Variants in STRADA observed in about 807,000 individuals in gnomAD.
The protein encoded by STRADA is STE20-related kinase adapter protein alpha.
Under a neutral mutation model 55.0 loss-of-function variants are expected in STRADA, and 26 were observed. The ratio of observed to expected loss-of-function variants is 0.47; its 90% confidence interval spans 0.35 to 0.66. The LOEUF is 0.66. Among genes scored for constraint, STRADA ranks in the 30% least tolerant of loss-of-function variants. The pLI is 0.01. For synonymous variants in STRADA, 197 were observed against 210.9 expected (o/e 0.93, Z 0.57); for missense variants, 443 against 549.7 (o/e 0.81, Z 1.94).
intron 6 of STRADA, among the ~76,000 whole-genome samples, chr17:63,712,973 C>T (rs901426672): frequency 6.7e-6 from 1 of 149,666 alleles, no homozygotes; most frequent in Admixed American, 6.7e-5. Flanking sequence ...TGCACTCCAG[C>T]CTGGGTGACA....
chr17:63,704,484 G>A lies in STRADA; in HGVS notation c.957C>T (p.Ala319=). The change falls in exon 11 of 13, where the codon GCC becomes GCT. Residue 319 remains alanine (A), a synonymous_variant. Transcript: ENST00000336174. The stretch of plus-strand genomic sequence containing the variant: ...TCAGGCTGTCACTCAGGCCAGAGTT[G>A]GCCACTGAGCGCGAAGGGCTCATGG... ...ELTMSPSRSV[A]NSGLSDSLTT... 9 of 1,613,212 alleles carry A rather than the reference G, an allele frequency of 5.6e-6. No individual in the cohort carries two copies. The highest frequency in any genetic ancestry group is 7.6e-6 in the Non-Finnish European group (9 of 1,179,822).
chr17:63,732,066 C>T (rs1317969577), intron 1 of STRADA, among the ~76,000 whole-genome samples: 1 of 152,034 alleles, frequency 6.6e-6, no homozygotes, highest in Non-Finnish European at 1.5e-5. Context: ...GACAGGGTTT[C>T]ACCATGTTAG....
At chr17:63,732,432 A>G (rs1255886792) in intron 1 of STRADA, among the ~76,000 whole-genome samples, 1 of 150,042 alleles carries the variant, frequency 6.7e-6, no homozygotes, top group African/African-American at 2.5e-5. Context: ...CAATCCTCCT[A>G]CCTCAGCCTT....
intron 3 of STRADA, chr17:63,723,932 T>C (rs2037476470): frequency 6.6e-6 from 1 of 152,282 alleles, no homozygotes; most frequent in Non-Finnish European, 1.5e-5. Flanking sequence ...AATAACTTTC[T>C]GTTCTTAAGC....
intron 6 of STRADA, 104 bp downstream of exon 6, chr17:63,713,302 C>G (rs1039376151): frequency 7.4e-6 from 11 of 1,491,190 alleles, no homozygotes; most frequent in Non-Finnish European, 9.9e-6. Flanking sequence ...GCTTCCATAA[C>G]TTCCGAACGT....
chr17:63,706,431 G>A (rs2036094984), intron 10 of STRADA: 3 of 532,316 alleles, frequency 5.6e-6, no homozygotes, highest in South Asian at 6.2e-5. Context: ...CCCTCCCCAA[G>A]CTGGCCTCCC....
chr17:63,721,383 A>T (rs1407126676), intron 4 of STRADA, among the ~76,000 whole-genome samples: 3 of 143,218 alleles, frequency 2.1e-5, no homozygotes, highest in East Asian at 4.0e-4. Context: ...AGAAAAAATA[A>T]AATAAAAAAA....
intron 1 of STRADA, among the ~76,000 whole-genome samples, chr17:63,737,191 G>GT (rs2038498684): frequency 7.3e-6 from 1 of 137,356 alleles, no homozygotes; most frequent in Non-Finnish European, 1.5e-5. Flanking sequence ...GGAGGTTGCA[G>GT]TGAGTCAAGA....
chr17:63,718,600 T>C (rs564319497), intron 4 of STRADA, among the ~76,000 whole-genome samples: 2 of 152,324 alleles, frequency 1.3e-5, no homozygotes, highest in African/African-American at 2.4e-5. Flanking sequence ...CCCCAGCCTA[T>C]GAGTATACAA....
At chr17:63,705,471 TCTC>T (rs1568173378) in intron 10 of STRADA, 1 of 161,170 alleles carries the variant, frequency 6.2e-6, no homozygotes, top group African/African-American at 2.4e-5. Context: ...TTTACTGAGA[TCTC>T]CTAGATTCCT....
At chr17:63,738,566 A>C (rs1054140414) in intron 1 of STRADA, among the ~76,000 whole-genome samples, 1 of 152,072 alleles carries the variant, frequency 6.6e-6, no homozygotes, top group African/African-American at 2.4e-5. Context: ...AAAAATGATT[A>C]AATTAATTGA....
intron 10 of STRADA, chr17:63,704,950 A>G: frequency 6.6e-7 from 1 of 1,520,494 alleles, no homozygotes; most frequent in Non-Finnish European, 8.8e-7. Flanking sequence ...TTTGAAGCCC[A>G]GCCGTCTGCC....
At chr17:63,715,023 T>C (rs1318086099) in intron 4 of STRADA, among the ~76,000 whole-genome samples, 1 of 152,356 alleles carries the variant, frequency 6.6e-6, no homozygotes, top group South Asian at 2.1e-4. Context: ...TCATGTTTCA[T>C]GTGCTGCACT....
chr17:63,705,210 G>A (rs1008411881), intron 10 of STRADA: 21 of 496,678 alleles, frequency 4.2e-5, no homozygotes, highest in African/African-American at 1.3e-4. Context: ...CTGCACTAAC[G>A]TGATAGCCAC....
chr17:63,725,439 C>T (rs758348284), intron 3 of STRADA, among the ~76,000 whole-genome samples: 64 of 151,938 alleles, frequency 4.2e-4, no homozygotes, highest in South Asian at 8.3e-4. Flanking sequence ...GCAACCTCCA[C>T]CTCGCGAGTT....
intron 1 of STRADA, among the ~76,000 whole-genome samples, chr17:63,731,523 C>T (rs2038056352): frequency 6.6e-6 from 1 of 152,142 alleles, no homozygotes; most frequent in African/African-American, 2.4e-5. Flanking sequence ...CTTGGCCTCC[C>T]AAAGTGCTGG....
intron 4 of STRADA, chr17:63,715,644 G>A (rs963485989): frequency 2.6e-5 from 4 of 152,268 alleles, no homozygotes; most frequent in African/African-American, 9.6e-5. Context: ...AACAGTTGAT[G>A]CTGCTGATGG....
intron 1 of STRADA, chr17:63,741,118 CAG>C (rs1473327642): frequency 7.5e-6 from 1 of 133,056 alleles, no homozygotes; most frequent in Non-Finnish European, 1.7e-5. Context: ...GAAGGCTGGG[CAG>C]AGAGGTTAGT....
At chr17:63,707,137 C>T in intron 9 of STRADA, 110 bp downstream of exon 9, 4 of 1,393,272 alleles carry the variant, frequency 2.9e-6, no homozygotes, top group Non-Finnish European at 3.9e-6. Flanking sequence ...CCTCCAGGAA[C>T]CCCTTTACCC....
Sources: allele counts gnomAD v4.1 joint callset (sites outside exome capture counted in the v4.1 genomes callset), GRCh38; gene constraint gnomAD v4.1.1; transcripts MANE v1.5; gene names NCBI Gene and HGNC (gene_info 2026-07-23, HGNC 2026-07-21).